Variants in GRIK4 observed in about 807,000 individuals in gnomAD.
The protein encoded by GRIK4 is glutamate ionotropic receptor kainate type subunit 4, also known as glutamate receptor ionotropic, kainate 4.
GRIK4 carries 40 observed loss-of-function variants against 104.9 expected under a neutral mutation model. That is an observed-to-expected ratio of 0.38 (90% confidence interval 0.30 to 0.50). The LOEUF is 0.50. GRIK4 is among the 20% of genes least tolerant of loss of function. GRIK4 has a pLI of 0.93. For missense variants in GRIK4, 1,047 were observed against 1,308.1 expected, an observed-to-expected ratio of 0.80 and a Z score of 3.08; for synonymous variants, 485 against 524.9, an observed-to-expected ratio of 0.92 and a Z score of 1.04.
chr11:120,700,165 T>A (rs1950528387), intron 3 of GRIK4, among the ~76,000 whole-genome samples: 1 of 151,952 alleles, frequency 6.6e-6, no homozygotes, highest in East Asian at 1.9e-4. Context: ...AATCTACTTA[T>A]TTAACAAAAA....
At chr11:120,780,920 T>C (rs1165925074) in intron 3 of GRIK4, among the ~76,000 whole-genome samples, 2 of 152,090 alleles carry the variant, frequency 1.3e-5, no homozygotes, top group Non-Finnish European at 2.9e-5. Flanking sequence ...TTTTTTGCAT[T>C]TTTAGTAGAG....
intron 8 of GRIK4, among the ~76,000 whole-genome samples, chr11:120,845,882 G>A (rs1242072572): frequency 6.6e-6 from 1 of 152,236 alleles, no homozygotes; most frequent in Non-Finnish European, 1.5e-5. Context: ...GTGATGGAGT[G>A]AAAGCTCCTT....
At chr11:120,794,351 G>C (rs543735910) in intron 3 of GRIK4, among the ~76,000 whole-genome samples, 11 of 152,100 alleles carry the variant, frequency 7.2e-5, no homozygotes, top group African/African-American at 2.7e-4. Context: ...TGAGGGTAAG[G>C]GTGGTGTTAG....
chr11:120,845,863 G>GA (rs1443643805), intron 8 of GRIK4, among the ~76,000 whole-genome samples: 1 of 152,206 alleles, frequency 6.6e-6, no homozygotes, highest in Non-Finnish European at 1.5e-5. Context: ...AGTGCAACTA[G>GA]AAAAAAGAGT....
At chr11:120,791,915 A>G (rs139873214) in intron 3 of GRIK4, among the ~76,000 whole-genome samples, 271 of 152,302 alleles carry the variant, frequency 1.8e-3, no homozygotes, top group Non-Finnish European at 3.0e-3. Flanking sequence ...GAAGGAAGGA[A>G]TAGAAGTTGG....
chr11:120,541,986 C>T (rs923016503), intron 1 of GRIK4, among the ~76,000 whole-genome samples: 1 of 151,974 alleles, frequency 6.6e-6, no homozygotes, highest in Non-Finnish European at 1.5e-5. Context: ...CATATGGAGC[C>T]ATAAAATACC....
chr11:120,920,183 C>T (rs568513093), intron 13 of GRIK4, among the ~76,000 whole-genome samples: 1 of 152,226 alleles, frequency 6.6e-6, no homozygotes, highest in Admixed American at 6.5e-5. Flanking sequence ...GGTGTCTTCA[C>T]CCTCAAAATG....
intron 11 of GRIK4, among the ~76,000 whole-genome samples, chr11:120,886,904 A>G (rs1374476777): frequency 2.6e-5 from 4 of 152,160 alleles, no homozygotes; most frequent in Non-Finnish European, 5.9e-5. Flanking sequence ...CCTGCGGTCA[A>G]AAAGAATACT....
intron 1 of GRIK4, among the ~76,000 whole-genome samples, chr11:120,608,988 G>C (rs2135143768): frequency 6.6e-6 from 1 of 152,334 alleles, no homozygotes; most frequent in African/African-American, 2.4e-5. Context: ...ATAGCAGATT[G>C]ATTTTGTAGC....
chr11:120,796,547 T>A (rs1591925499), intron 3 of GRIK4, among the ~76,000 whole-genome samples: 1 of 151,588 alleles, frequency 6.6e-6, no homozygotes, highest in South Asian at 2.1e-4. Flanking sequence ...GGCTAGGGGG[T>A]CAGAGAGGGC....
At position 120,952,771 on chromosome 11, in the gene GRIK4, T is replaced by C. The variant is rs1944033476; in HGVS notation, c.1591-84T>C. Reference sequence around the variant, plus strand: ...GAACTGGGGCCAGACCCACACTCACTACCTCCTCTACCCCGCCCTGCCTGC... The same window carrying C: ...GAACTGGGGCCAGACCCACACTCACCACCTCCTCTACCCCGCCCTGCCTGC... On this transcript the variant is annotated intron_variant, in intron 14 of 20. Coordinates refer to ENST00000527524, the MANE Select transcript of GRIK4 (RefSeq NM_014619.5). The surrounding 1 kb of genome is among the most constrained non-coding windows in gnomAD (Gnocchi z 5.2). 1.1e-6 allele frequency: 1 copy of C among 892,644 alleles called. No homozygotes were observed. Among genetic ancestry groups the C allele is most frequent in the Admixed American group, 1.7e-5 (1 of 58,726 alleles). The allele number at this position is 892,644 out of a possible 1,614,324, so 55.3% of individuals were successfully genotyped here. A position where few individuals can be genotyped will look rare whatever the true frequency, so the allele number is the denominator to read the frequency against.
chr11:120,743,254 G>C (rs1310377159), intron 3 of GRIK4, among the ~76,000 whole-genome samples: 1 of 151,416 alleles, frequency 6.6e-6, no homozygotes, highest in Non-Finnish European at 1.5e-5. Flanking sequence ...AAAAAAGAAT[G>C]AGATTATGTC....
At chr11:120,918,434 G>A (rs1251512003) in intron 13 of GRIK4, among the ~76,000 whole-genome samples, 1 of 152,156 alleles carries the variant, frequency 6.6e-6, no homozygotes, top group African/African-American at 2.4e-5. Context: ...AGTTCACACA[G>A]TTTTTACTTT....
chr11:120,574,266 G>C (rs765350700), intron 1 of GRIK4, among the ~76,000 whole-genome samples: 1 of 152,186 alleles, frequency 6.6e-6, no homozygotes, highest in Non-Finnish European at 1.5e-5. Flanking sequence ...CCACGATCAC[G>C]TCGCTGGGCT....
In GRIK4 at chr11:120,819,600, G is replaced by A. The variant is rs1347039281; in HGVS notation, c.346-155G>A. ...TGTCATCGCTCGTCTTCCTCCCACGGAGTGGGTGCCCTGGGAGCTCCTTCT... is the reference window on the plus strand; with the variant it reads ...TGTCATCGCTCGTCTTCCTCCCACGAAGTGGGTGCCCTGGGAGCTCCTTCT... On this transcript the variant is annotated intron_variant, in intron 5 of 20. Transcript: ENST00000527524. The surrounding 1 kb of genome is among the most constrained non-coding windows in gnomAD (Gnocchi z 4.3). Among the ~76,000 whole-genome samples the A allele has an allele frequency of 6.6e-6, 1 of 152,160 alleles. No homozygotes were observed. The highest frequency in any genetic ancestry group is 2.4e-5 in the African/African-American group (1 of 41,442).
At chr11:120,668,610 C>T (rs1357996983) in intron 3 of GRIK4, among the ~76,000 whole-genome samples, 2 of 152,134 alleles carry the variant, frequency 1.3e-5, no homozygotes, top group African/African-American at 2.4e-5. Context: ...CAGTCTCTTC[C>T]ACCTGGACTC....
chr11:120,861,133 A>G (rs1954253593), intron 8 of GRIK4, among the ~76,000 whole-genome samples: 3 of 107,532 alleles, frequency 2.8e-5, no homozygotes, highest in South Asian at 6.3e-4. Context: ...TTTGAGACAG[A>G]GCTTTGCTCT....
rs549226280 is a variant in GRIK4 at position 120,872,748 on chromosome 11, T to TTTTG, written c.907-1294_907-1291dup. On this transcript the variant is annotated intron_variant, in intron 9 of 20. Coordinates refer to ENST00000527524, the MANE Select transcript of GRIK4 (RefSeq NM_014619.5). Reference sequence around the variant, plus strand: ...GTATAGTCAATTGCACTTGCTAGGGTTTTGTTTGTTTGTTTGTTTGTTTGT... The same window carrying TTTTG: ...GTATAGTCAATTGCACTTGCTAGGGTTTTGTTTGTTTGTTTGTTTGTTTGTTTGT... 117 of 187,038 alleles carry TTTTG rather than the reference T, an allele frequency of 6.3e-4. 1 individual carries two copies. The highest frequency in any genetic ancestry group is 1.8e-3 in the Admixed American group (36 of 19,752). The allele number at this position is 187,038 out of a possible 1,614,324, so 11.6% of individuals were successfully genotyped here. A position where few individuals can be genotyped will look rare whatever the true frequency, so the allele number is the denominator to read the frequency against.
At chr11:120,609,528 T>C (rs1949005807) in intron 1 of GRIK4, among the ~76,000 whole-genome samples, 1 of 132,742 alleles carries the variant, frequency 7.5e-6, no homozygotes, top group Non-Finnish European at 1.6e-5. Context: ...TTTTTTTTTT[T>C]TTTTTTTTTT....
Sources: gnomAD v4.1 joint callset for allele counts (sites outside exome capture counted in the v4.1 genomes callset) on GRCh38, gnomAD v4.1.1 for gene constraint, Gnocchi (gnomAD v3.1) non-coding constraint, MANE v1.5 for transcripts, NCBI Gene and HGNC (gene_info 2026-07-23, HGNC 2026-07-21) for gene names.